NUGGC: variants seen among roughly 807,000 people sequenced by gnomAD.
The protein encoded by NUGGC is nuclear GTPase, germinal center associated.
In NUGGC, 58 loss-of-function variants were observed where a neutral mutation model predicts 92.6. The observed-to-expected ratio is 0.63, with a 90% CI of 0.51 to 0.78. The LOEUF (loss-of-function observed/expected upper bound fraction) is 0.78. Ranked by LOEUF, NUGGC falls within the 30% of genes least tolerant of loss-of-function variation. The probability of loss-of-function intolerance (pLI) is 0.00; values close to 1 mark genes in which losing one functional copy is unlikely to be tolerated. For synonymous variants in NUGGC, 376 were observed against 366.4 expected (o/e 1.03, Z -0.30); for missense variants, 925 against 964.6 (o/e 0.96, Z 0.54).
intron 10 of NUGGC, 30 bp downstream of exon 10, chr8:28,055,935 A>C (rs1810121875): frequency 7.9e-7 from 1 of 1,266,418 alleles, no homozygotes. Flanking sequence ...TGGGATACAG[A>C]AAAACACATA....
At chr8:28,073,720 C>T (rs576939144) in intron 2 of NUGGC, among the ~76,000 whole-genome samples, 22 of 152,290 alleles carry the variant, frequency 1.4e-4, no homozygotes, top group Middle Eastern at 3.4e-3. Flanking sequence ...TCTCCTTCTA[C>T]GGAAAGCCGC....
intron 7 of NUGGC, among the ~76,000 whole-genome samples, chr8:28,061,530 C>T (rs1810305244): frequency 6.6e-6 from 1 of 152,074 alleles, no homozygotes; most frequent in Non-Finnish European, 1.5e-5. Flanking sequence ...TGCTTTATAC[C>T]AGTAGTTTTT....
chr8:28,059,469 G>A (rs926489523), intron 8 of NUGGC, among the ~76,000 whole-genome samples: 13 of 152,142 alleles, frequency 8.5e-5, no homozygotes, highest in Non-Finnish European at 1.6e-4. Flanking sequence ...AACTCTTAGA[G>A]AATGCATCTA....
chr8:28,043,216 A>C (rs552356204), intron 12 of NUGGC, among the ~76,000 whole-genome samples: 1 of 152,260 alleles, frequency 6.6e-6, no homozygotes, highest in East Asian at 1.9e-4. Flanking sequence ...ATGATAAGAA[A>C]GGGAAGAGCG....
chr8:28,054,075 G>T (rs1166206217), intron 10 of NUGGC, among the ~76,000 whole-genome samples: 2 of 152,180 alleles, frequency 1.3e-5, no homozygotes, highest in African/African-American at 4.8e-5. Flanking sequence ...CAATACCGAA[G>T]ATTTTGTTTC....
intron 1 of NUGGC, among the ~76,000 whole-genome samples, chr8:28,081,461 T>C (rs1554491475): frequency 6.6e-6 from 1 of 152,236 alleles, no homozygotes. Context: ...AAATCAGTAC[T>C]AGTGTCATCC....
Position 28,067,638 on chromosome 8 carries a change from G to C in NUGGC, c.587C>G (p.Ala196Gly). The change falls in exon 6 of 19, where the codon GCC becomes GGC. Residue 196 changes from alanine (A) to glycine (G), a missense_variant. Coordinates refer to ENST00000413272, the MANE Select transcript of NUGGC (RefSeq NM_001010906.2). ...ATAAATCATTTGTAGCTTCCAGGTG[G>C]CTTCCTCCACTGCCTCATCCCTGTT... ...AWNRDEAVEEATWKLQMIYGN... is the reference protein window; with the variant it reads ...AWNRDEAVEEGTWKLQMIYGN... 1 of 1,613,894 alleles carries C rather than the reference G, an allele frequency of 6.2e-7. No homozygotes were observed. The highest frequency in any genetic ancestry group is 8.5e-7 in the Non-Finnish European group (1 of 1,179,760).
chr8:28,044,049 A>G (rs1341979493), intron 12 of NUGGC, among the ~76,000 whole-genome samples: 1 of 152,174 alleles, frequency 6.6e-6, no homozygotes, highest in Non-Finnish European at 1.5e-5. Context: ...AAGACTTTTT[A>G]CAAGCATTTA....
rs753884071 is a variant in NUGGC, at chr8:28,069,591, C to T, written c.210G>A (p.Gln70=). The T allele has an allele frequency of 6.2e-7, 1 of 1,611,740 alleles. No homozygotes were observed. The highest frequency in any genetic ancestry group is 1.7e-5 in the Admixed American group (1 of 60,000). Residue 70 remains glutamine, a synonymous_variant, in exon 4 of 19, where the codon CAG becomes CAA. Coordinates refer to ENST00000413272, the MANE Select transcript of NUGGC (RefSeq NM_001010906.2). ...GGATGCTGTCATCCAGGAAGACAGA[C>T]TGAATAAGTTTCTGATAAGTGTTGC... The part of the protein sequence containing the change: ...VLSNTYQKLI[Q]SVFLDDSIPN...
chr8:28,062,635 G>A (rs981657003), intron 7 of NUGGC, among the ~76,000 whole-genome samples: 1 of 152,126 alleles, frequency 6.6e-6, no homozygotes, highest in Non-Finnish European at 1.5e-5. Context: ...CAAAACAAAA[G>A]TAGAAGCAGC....
intron 13 of NUGGC, among the ~76,000 whole-genome samples, chr8:28,034,688 A>T (rs1161181583): frequency 6.6e-6 from 1 of 151,972 alleles, no homozygotes; most frequent in East Asian, 1.9e-4. Flanking sequence ...ATGGTGGCAC[A>T]TGCCTGTAAT....
chr8:28,081,009 A>C (rs1810837339), intron 1 of NUGGC, among the ~76,000 whole-genome samples: 1 of 152,040 alleles, frequency 6.6e-6, no homozygotes, highest in Admixed American at 6.5e-5. Flanking sequence ...ATTGGTTTTA[A>C]AAAAAATACC....
intron 18 of NUGGC, 26 bp downstream of exon 18, chr8:28,026,936 T>G: frequency 2.0e-6 from 3 of 1,489,712 alleles, no homozygotes; most frequent in Non-Finnish European, 2.8e-6. Flanking sequence ...ACAATCACCC[T>G]GTATACAAAG....
At chr8:28,081,598 G>C (rs867812844) in intron 1 of NUGGC, among the ~76,000 whole-genome samples, 1 of 152,142 alleles carries the variant, frequency 6.6e-6, no homozygotes, top group Non-Finnish European at 1.5e-5. Context: ...TCTTCGATCA[G>C]CTGGGTGCAG....
intron 1 of NUGGC, among the ~76,000 whole-genome samples, chr8:28,082,646 T>C (rs1468089168): frequency 6.6e-6 from 1 of 152,234 alleles, no homozygotes; most frequent in Non-Finnish European, 1.5e-5. Flanking sequence ...CTCATGCCTG[T>C]AATCCCAGCA....
intron 9 of NUGGC, 116 bp from the exon 10 acceptor site, chr8:28,056,170 A>T: frequency 1.6e-6 from 1 of 633,466 alleles, no homozygotes; most frequent in South Asian, 1.9e-5. Flanking sequence ...TCAAATATGC[A>T]TGCACTGTAT....
chr8:28,039,905 T>G (rs1258669623), intron 13 of NUGGC, among the ~76,000 whole-genome samples: 4 of 152,108 alleles, frequency 2.6e-5, no homozygotes, highest in African/African-American at 9.7e-5. Context: ...AGGAGGTAAT[T>G]AAGGTTAAAT....
At chr8:28,055,525 T>A (rs971851467) in intron 10 of NUGGC, among the ~76,000 whole-genome samples, 1 of 152,072 alleles carries the variant, frequency 6.6e-6, no homozygotes, top group African/African-American at 2.4e-5. Context: ...CTCAGAGAGG[T>A]AACTGAAGCA....
chr8:28,050,816 A>G (rs1809978673), intron 10 of NUGGC, among the ~76,000 whole-genome samples: 2 of 152,126 alleles, frequency 1.3e-5, no homozygotes, highest in Admixed American at 6.5e-5. Flanking sequence ...GTCTCAAAAA[A>G]AAAAAAAAAT....
Sources: gnomAD v4.1 joint callset for allele counts (sites outside exome capture counted in the v4.1 genomes callset) on GRCh38, gnomAD v4.1.1 for gene constraint, MANE v1.5 for transcripts, NCBI Gene and HGNC (gene_info 2026-07-23, HGNC 2026-07-21) for gene names.